CAST: variants seen among roughly 807,000 people sequenced by gnomAD.
CAST encodes calpastatin.
In CAST, 76 loss-of-function variants were observed where a neutral mutation model predicts 119.6. That is an observed-to-expected ratio of 0.64 (90% CI 0.53 to 0.77). CAST has a LOEUF of 0.77. CAST is among the 30% of genes least tolerant of loss of function. CAST has a pLI of 0.00. For synonymous variants in CAST, 319 were observed against 331.6 expected (o/e 0.96, Z 0.41); for missense variants, 953 against 946.5 (o/e 1.01, Z -0.09).
chr5:96,579,528 C>T (rs914973899), intron 1 of CAST, among the ~76,000 whole-genome samples: 3 of 152,060 alleles, frequency 2.0e-5, no homozygotes, highest in African/African-American at 7.2e-5. Context: ...GAGAAATGAG[C>T]CAACTTGGGC....
chr5:96,032,549 A>T, the CAST span, among the ~76,000 whole-genome samples: 2 of 152,124 alleles, frequency 1.3e-5, no homozygotes, highest in African/African-American at 4.8e-5. Context: ...AATGCCAGGC[A>T]TACAGGAGCT....
At chr5:96,202,644 C>G in the CAST span, among the ~76,000 whole-genome samples, 1 of 152,066 alleles carries the variant, frequency 6.6e-6, no homozygotes, top group African/African-American at 2.4e-5. Context: ...GCGTGAATAT[C>G]TGGTATTTGT....
chr5:96,168,489 G>A, the CAST span, among the ~76,000 whole-genome samples: 1 of 152,204 alleles, frequency 6.6e-6, no homozygotes, highest in Non-Finnish European at 1.5e-5. Flanking sequence ...TTGCAAGAGT[G>A]AGGGCTTGAG....
At chr5:96,328,878 T>A in the CAST span, among the ~76,000 whole-genome samples, 5 of 152,222 alleles carry the variant, frequency 3.3e-5, no homozygotes, top group Non-Finnish European at 7.3e-5. Flanking sequence ...AGTTTCCATC[T>A]GAGATTCCCT....
the CAST span, among the ~76,000 whole-genome samples, chr5:95,996,928 T>A: frequency 6.6e-6 from 1 of 152,122 alleles, no homozygotes; most frequent in African/African-American, 2.4e-5. Context: ...TGGTTTACTA[T>A]TAGTACAATG....
chr5:95,994,542 G>A, the CAST span, among the ~76,000 whole-genome samples: 1 of 151,878 alleles, frequency 6.6e-6, no homozygotes, highest in Admixed American at 6.6e-5. Flanking sequence ...ACTTGATTAT[G>A]GTGATGGTTA....
the CAST span, among the ~76,000 whole-genome samples, chr5:96,337,621 A>G: frequency 6.6e-6 from 1 of 152,220 alleles, no homozygotes; most frequent in Non-Finnish European, 1.5e-5. Flanking sequence ...TCTGTAATGC[A>G]GGTAGCCACA....
upstream of CAST, among the ~76,000 whole-genome samples, chr5:96,524,794 C>G (rs1277438800): frequency 6.6e-6 from 1 of 152,180 alleles, no homozygotes; most frequent in African/African-American, 2.4e-5. Context: ...CAGACAGAAG[C>G]TTAGGGAGAA....
intron 1 of CAST, among the ~76,000 whole-genome samples, chr5:96,536,398 T>C (rs1745815636): frequency 6.6e-6 from 1 of 152,174 alleles, no homozygotes; most frequent in African/African-American, 2.4e-5. Context: ...GGAACAACAG[T>C]ATCCAAAGGC....
chr5:96,124,818 T>TC, the CAST span, among the ~76,000 whole-genome samples: 1 of 152,208 alleles, frequency 6.6e-6, no homozygotes, highest in Admixed American at 6.5e-5. Context: ...GAAATTTTTT[T>TC]ACAGAACTGA....
At chr5:96,528,144 G>A (rs1386473971), upstream of CAST, among the ~76,000 whole-genome samples, 2 of 152,088 alleles carry the variant, frequency 1.3e-5, no homozygotes, top group Non-Finnish European at 2.9e-5. Context: ...CATTCAGAGA[G>A]GCTAAATGAC....
chr5:96,603,100 G>A (rs78590713), intron 1 of CAST, among the ~76,000 whole-genome samples: 12,607 of 152,234 alleles, frequency 0.083, 592 homozygotes, highest in African/African-American at 0.14. Flanking sequence ...AAATCAATGC[G>A]TAATGGATCA....
chr5:96,697,691 G>C (rs1753463145), intron 3 of CAST, among the ~76,000 whole-genome samples: 1 of 152,214 alleles, frequency 6.6e-6, no homozygotes, highest in East Asian at 1.9e-4. Context: ...TGAGAGAGTT[G>C]CTTACACAAA....
the CAST span, among the ~76,000 whole-genome samples, chr5:96,053,262 C>T: frequency 6.6e-6 from 1 of 152,202 alleles, no homozygotes; most frequent in South Asian, 2.1e-4. Context: ...ACAGCCTGGA[C>T]ATAAGGATTT....
chr5:96,021,947 G>T, the CAST span, among the ~76,000 whole-genome samples: 7 of 152,178 alleles, frequency 4.6e-5, no homozygotes, highest in East Asian at 1.3e-3. Flanking sequence ...GTGGATTGAA[G>T]ATATTCAAGG....
chr5:96,672,706 CAAAAAAA>C lies in CAST; in HGVS notation c.76-2816_76-2810del, dbSNP rs11427288. ...TGGGTGACAGAGTGAGACTCAGTCT[CAAAAAAA>C]AAAAAAAAAAAAAAAAGAACTGGAA... On this transcript the variant is annotated intron_variant, in intron 1 of 31. Transcript: ENST00000675179. Among the ~76,000 whole-genome samples, 16 of 59,168 alleles carry C rather than the reference CAAAAAAA, an allele frequency of 2.7e-4. No homozygotes were observed. In the East Asian group the frequency reaches 7.2e-3, roughly 27 times the overall value. 38.8% of individuals were successfully genotyped at this position (59,168 alleles called of 152,430 possible).
At chr5:96,272,030 A>C in the CAST span, among the ~76,000 whole-genome samples, 1 of 152,216 alleles carries the variant, frequency 6.6e-6, no homozygotes, top group African/African-American at 2.4e-5. Context: ...AGCACTAACC[A>C]TCAGAGAAAT....
the CAST span, among the ~76,000 whole-genome samples, chr5:96,335,980 A>G: frequency 0.029 from 4,357 of 152,190 alleles, 213 homozygotes; most frequent in African/African-American, 0.099. Context: ...CTGGACCAAT[A>G]TAACAGTCTC....
At chr5:96,121,575 G>A in the CAST span, among the ~76,000 whole-genome samples, 1 of 151,940 alleles carries the variant, frequency 6.6e-6, no homozygotes, top group Non-Finnish European at 1.5e-5. Flanking sequence ...GCGTTTTGGC[G>A]GTGAGGCTCT....
Sources: gnomAD v4.1 joint callset for allele counts (sites outside exome capture counted in the v4.1 genomes callset) on GRCh38, gnomAD v4.1.1 for gene constraint, MANE v1.5 for transcripts, NCBI Gene and HGNC (gene_info 2026-07-23, HGNC 2026-07-21) for gene names.